The following NRG3 variants were observed in gnomAD, a reference collection of about 807,000 sequenced individuals.
NRG3 encodes the protein neuregulin 3.
NRG3 carries 31 observed loss-of-function variants against 66.9 expected under a neutral mutation model. That is an observed-to-expected ratio of 0.46 (90% CI 0.35 to 0.63). The LOEUF (loss-of-function observed/expected upper bound fraction) is 0.63. NRG3 is among the 20% of genes least tolerant of loss of function. The pLI, the probability that NRG3 is intolerant of heterozygous loss-of-function variation, is 0.00. For missense variants in NRG3, 910 were observed against 878.9 expected, an observed-to-expected ratio of 1.04 and a Z score of -0.45; for synonymous variants, 393 against 359.4, an observed-to-expected ratio of 1.09 and a Z score of -1.06.
intron 3 of NRG3, among the ~76,000 whole-genome samples, chr10:82,783,100 A>G (rs1165496753): frequency 6.6e-6 from 1 of 152,232 alleles, no homozygotes; most frequent in East Asian, 1.9e-4. Flanking sequence ...AGAACCAATG[A>G]CAAAAACCAC....
chr10:82,264,111 CAG>C (rs987320629), intron 1 of NRG3, among the ~76,000 whole-genome samples: 3 of 152,068 alleles, frequency 2.0e-5, no homozygotes, highest in African/African-American at 7.2e-5. Flanking sequence ...GTCTGGAACT[CAG>C]GGGAGAAATA....
Position 82,116,453 on chromosome 10 carries a change from A to C in NRG3, c.823+240290A>C, listed in dbSNP as rs2067725243. ...ATCAACATTTAATTTAGAAACTATGAATGCTTTCAGATATGCCATCTTAAA... is the reference window on the plus strand; with the variant it reads ...ATCAACATTTAATTTAGAAACTATGCATGCTTTCAGATATGCCATCTTAAA... On this transcript the variant is annotated intron_variant, in intron 1 of 8. Transcript: ENST00000372141. Among the ~76,000 whole-genome samples, 4 of 152,152 alleles carry C rather than the reference A, an allele frequency of 2.6e-5. No homozygotes were observed. In the South Asian group the frequency reaches 6.2e-4, roughly 24 times the overall value.
chr10:82,282,793 G>A (rs2079196340), intron 1 of NRG3, among the ~76,000 whole-genome samples: 1 of 152,096 alleles, frequency 6.6e-6, no homozygotes, highest in Non-Finnish European at 1.5e-5. Context: ...CCTGTGGGAT[G>A]CTTTTCCACT....
At chr10:81,939,625 A>G (rs1453695014) in intron 1 of NRG3, among the ~76,000 whole-genome samples, 3 of 144,822 alleles carry the variant, frequency 2.1e-5, no homozygotes, top group Non-Finnish European at 4.6e-5. Flanking sequence ...CTCCTCTTTC[A>G]TTTCTGGTTT....
intron 1 of NRG3, among the ~76,000 whole-genome samples, chr10:82,347,009 A>C (rs1162564098): frequency 2.0e-5 from 3 of 151,982 alleles, no homozygotes; most frequent in African/African-American, 7.3e-5. Context: ...ATCCTTTCAA[A>C]AAAACCAGCT....
chr10:81,893,546 T>G (rs1473316677), intron 1 of NRG3, among the ~76,000 whole-genome samples: 1 of 152,182 alleles, frequency 6.6e-6, no homozygotes, highest in African/African-American at 2.4e-5. Flanking sequence ...ACTTGTTGAT[T>G]AGTGTCAAAA....
At chr10:82,230,842 A>G (rs1050536349) in intron 1 of NRG3, among the ~76,000 whole-genome samples, 3 of 152,300 alleles carry the variant, frequency 2.0e-5, no homozygotes, top group Middle Eastern at 3.4e-3. Flanking sequence ...TTCATCTTTT[A>G]TAGCTGAAGG....
At chr10:81,904,156 T>C (rs1406841445) in intron 1 of NRG3, among the ~76,000 whole-genome samples, 1 of 151,836 alleles carries the variant, frequency 6.6e-6, no homozygotes, top group Non-Finnish European at 1.5e-5. Context: ...ATTACAGGCA[T>C]GCAACACCAT....
chr10:82,847,338 A>G (rs1159425536), intron 3 of NRG3, among the ~76,000 whole-genome samples: 1 of 152,232 alleles, frequency 6.6e-6, no homozygotes, highest in Non-Finnish European at 1.5e-5. Context: ...GACACTTTGA[A>G]TAGATGTGGT....
At chr10:82,576,243 A>G (rs1416534603) in intron 2 of NRG3, among the ~76,000 whole-genome samples, 2 of 151,410 alleles carry the variant, frequency 1.3e-5, no homozygotes, top group Non-Finnish European at 3.0e-5. Flanking sequence ...TACATTTTAA[A>G]TATCTTACTT....
chr10:82,662,162 CTCTTT>C (rs1211919120), intron 2 of NRG3, among the ~76,000 whole-genome samples: 32 of 152,172 alleles, frequency 2.1e-4, no homozygotes. Flanking sequence ...TCCTGGCTGT[CTCTTT>C]TCTTTTCTTT....
chr10:82,608,893 C>G (rs992055766), intron 2 of NRG3, among the ~76,000 whole-genome samples: 1 of 152,154 alleles, frequency 6.6e-6, no homozygotes, highest in Non-Finnish European at 1.5e-5. Context: ...ATCACCCCTC[C>G]CCCTCAGGAC....
At chr10:82,732,976 C>T (rs2057987493) in intron 2 of NRG3, among the ~76,000 whole-genome samples, 1 of 152,172 alleles carries the variant, frequency 6.6e-6, no homozygotes, top group African/African-American at 2.4e-5. Context: ...ATATTACTGA[C>T]CATGTTTCTA....
At chr10:82,101,253 A>AT (rs572321039) in intron 1 of NRG3, among the ~76,000 whole-genome samples, 214 of 151,554 alleles carry the variant, frequency 1.4e-3, no homozygotes, top group African/African-American at 4.9e-3. Context: ...CAACTTTATT[A>AT]TTTTTCAGTT....
intron 1 of NRG3, among the ~76,000 whole-genome samples, chr10:82,303,248 T>C (rs191084714): frequency 6.6e-6 from 1 of 152,120 alleles, no homozygotes; most frequent in Admixed American, 6.5e-5. Context: ...TTTAAGATTA[T>C]CCTGTCATTA....
intron 4 of NRG3, among the ~76,000 whole-genome samples, chr10:82,905,049 G>A (rs188091557): frequency 1.6e-4 from 25 of 152,208 alleles, no homozygotes; most frequent in African/African-American, 5.1e-4. Context: ...TGTGCTCCAA[G>A]GCTGAGTTCA....
At chr10:82,268,556 A>AT (rs1229764163) in intron 1 of NRG3, among the ~76,000 whole-genome samples, 8 of 152,028 alleles carry the variant, frequency 5.3e-5, no homozygotes, top group South Asian at 2.1e-4. Context: ...TTTCTTATAT[A>AT]TTTTTTATCA....
At chr10:82,905,819 T>G (rs2131922263) in intron 4 of NRG3, among the ~76,000 whole-genome samples, 1 of 152,320 alleles carries the variant, frequency 6.6e-6, no homozygotes, top group South Asian at 2.1e-4. Flanking sequence ...CTGGATGCAC[T>G]GAGGGATTGC....
chr10:82,705,323 A>G (rs1253472542), intron 2 of NRG3, among the ~76,000 whole-genome samples: 1 of 152,330 alleles, frequency 6.6e-6, no homozygotes, highest in African/African-American at 2.4e-5. Flanking sequence ...ATGTTAGACA[A>G]TGCTAACACT....
Sources: gnomAD v4.1 joint callset for allele counts (sites outside exome capture counted in the v4.1 genomes callset) on GRCh38, gnomAD v4.1.1 for gene constraint, MANE v1.5 for transcripts, NCBI Gene and HGNC (gene_info 2026-07-23, HGNC 2026-07-21) for gene names.